The following SH3GL2 variants were observed in gnomAD, a reference collection of about 807,000 sequenced individuals.
SH3GL2 encodes the protein SH3 domain containing GRB2 like 2, endophilin A1.
In SH3GL2, 24 loss-of-function variants were observed where a neutral mutation model predicts 46.0. The ratio of observed to expected loss-of-function variants is 0.52; its 90% CI spans 0.38 to 0.73. SH3GL2 has a LOEUF of 0.73. Among genes scored for constraint, SH3GL2 ranks in the 30% least tolerant of loss-of-function variants. The pLI is 0.00. For synonymous variants in SH3GL2, 196 were observed against 147.1 expected, an observed-to-expected ratio of 1.33 and a Z score of -2.40; for missense variants, 413 against 424.2, an observed-to-expected ratio of 0.97 and a Z score of 0.23.
intron 1 of SH3GL2, among the ~76,000 whole-genome samples, chr9:17,686,479 C>G (rs1275905220): frequency 2.1e-5 from 3 of 145,350 alleles, no homozygotes; most frequent in African/African-American, 7.5e-5. Context: ...GCTATAAAGA[C>G]ACATGCACAC....
At chr9:17,791,412 A>G in intron 7 of SH3GL2, 78 bp downstream of exon 7, 1 of 1,050,978 alleles carries the variant, frequency 9.5e-7, no homozygotes, top group Non-Finnish European at 1.5e-6. Context: ...AAATCATAGA[A>G]TACATTTGGA....
intron 1 of SH3GL2, among the ~76,000 whole-genome samples, chr9:17,616,608 G>A (rs1819006237): frequency 6.6e-6 from 1 of 152,124 alleles, no homozygotes; most frequent in Admixed American, 6.5e-5. Flanking sequence ...ACTAGATTAT[G>A]AATCTTTTGA....
chr9:17,607,168 G>T, intron 1 of SH3GL2, among the ~76,000 whole-genome samples: 1 of 152,324 alleles, frequency 6.6e-6, no homozygotes, highest in Middle Eastern at 3.4e-3. Context: ...TCATAATTGT[G>T]TGAACATCCT....
intron 1 of SH3GL2, among the ~76,000 whole-genome samples, chr9:17,669,051 G>A (rs1406460183): frequency 6.6e-6 from 1 of 152,066 alleles, no homozygotes; most frequent in African/African-American, 2.4e-5. Flanking sequence ...TCTATTTTTG[G>A]ACTTCAAAGT....
chr9:17,781,571 A>AC (rs1300948625), intron 3 of SH3GL2, among the ~76,000 whole-genome samples: 2 of 152,100 alleles, frequency 1.3e-5, no homozygotes, highest in African/African-American at 4.8e-5. Flanking sequence ...ATGGATATAC[A>AC]CCTAGAAGTG....
intron 2 of SH3GL2, among the ~76,000 whole-genome samples, chr9:17,752,702 T>C (rs2224952): frequency 0.15 from 23,323 of 152,150 alleles, 2,288 homozygotes; most frequent in Middle Eastern, 0.25. Flanking sequence ...TCCAATTTCT[T>C]TCTTTTTTTA....
At chr9:17,731,453 C>CAGAGAGAGAGAG (rs560760881) in intron 1 of SH3GL2, among the ~76,000 whole-genome samples, 1 of 150,066 alleles carries the variant, frequency 6.7e-6, no homozygotes, top group Non-Finnish European at 1.5e-5. Flanking sequence ...GAGAGAGAGA[C>CAGAGAGAGAGAG]AGACAGAGAG....
chr9:17,756,446 G>T (rs920476110), intron 2 of SH3GL2, among the ~76,000 whole-genome samples: 1 of 150,850 alleles, frequency 6.6e-6, no homozygotes, highest in African/African-American at 2.4e-5. Context: ...ATTTACATTA[G>T]GTATATCTCC....
chr9:17,579,092 G>A lies in SH3GL2; in HGVS notation c.-151G>A, dbSNP rs377183744. 6.0e-6 allele frequency: 3 copies of A among 496,374 alleles called. No individual in the cohort carries two copies. Among genetic ancestry groups the A allele is most frequent in the Admixed American group, 9.0e-5 (2 of 22,302 alleles). The allele number at this position is 496,374 out of a possible 1,614,324, so 30.7% of individuals were successfully genotyped here. On this transcript the variant is annotated 5_prime_UTR_variant, in exon 1 of 9. The change creates a new upstream start codon in the 5' untranslated region. Coordinates refer to ENST00000380607, the MANE Select transcript of SH3GL2 (RefSeq NM_003026.5). ...TCAGAGTGTTTCTCCGCAAGAGCCC[G>A]TGTCCCGCTAGGCTCCGCGCCCTCG... is the stretch of plus-strand genomic sequence containing the variant.
chr9:17,586,280 T>C (rs556620148), intron 1 of SH3GL2, among the ~76,000 whole-genome samples: 232 of 152,326 alleles, frequency 1.5e-3, no homozygotes, highest in African/African-American at 5.2e-3. Flanking sequence ...AAGCTGTCTG[T>C]AATACTCGTG....
At chr9:17,679,365 T>TTCC (rs1455905687) in intron 1 of SH3GL2, among the ~76,000 whole-genome samples, 1 of 152,212 alleles carries the variant, frequency 6.6e-6, no homozygotes, top group Non-Finnish European at 1.5e-5. Context: ...GTAAGTTGGA[T>TTCC]TCCTAGGTAT....
chr9:17,708,098 G>A (rs572405254), intron 1 of SH3GL2, among the ~76,000 whole-genome samples: 1 of 152,114 alleles, frequency 6.6e-6, no homozygotes, highest in African/African-American at 2.4e-5. Flanking sequence ...TGCCCTGAGG[G>A]CCTCTGAGGT....
Position 17,789,453 on chromosome 9 carries a change from G to A in SH3GL2, c.527G>A (p.Gly176Asp). ...TTTGATTATAAGAAGAAACGACAAG[G>A]CAAGATTCCGGATGAAGAGCTTCGT... ...LDFDYKKKRQ[G>D]KIPDEELRQA... Residue 176 changes from glycine to aspartate, a missense_variant, in exon 6 of 9, where the codon GGC (glycine) becomes GAC (aspartate). By Grantham distance (94) the Gly-to-Asp change is moderately conservative (BLOSUM62 -1). Around this residue, in one of 3 missense-constraint regions of SH3GL2, gnomAD observed 248 missense variants for 215.0 expected, o/e 1.15. Coordinates refer to ENST00000380607, the MANE Select transcript of SH3GL2 (RefSeq NM_003026.5). 1.9e-6 allele frequency: 3 copies of A among 1,613,486 alleles called. No homozygotes were observed. The highest frequency in any genetic ancestry group is 2.5e-6 in the Non-Finnish European group (3 of 1,179,592).
chr9:17,739,615 A>G (rs1440743257), intron 1 of SH3GL2, among the ~76,000 whole-genome samples: 1 of 21,938 alleles, frequency 4.6e-5, no homozygotes, highest in East Asian at 2.6e-3. Context: ...AAATAGAGAA[A>G]TGCCAGTTAA....
chr9:17,762,398 TCA>T (rs766616689), intron 3 of SH3GL2, among the ~76,000 whole-genome samples: 2,311 of 139,478 alleles, frequency 0.017, 46 homozygotes, highest in African/African-American at 0.048. Flanking sequence ...GGACAAGTGA[TCA>T]AAAAAAAAAA....
chr9:17,673,212 G>T (rs1433630973), intron 1 of SH3GL2, among the ~76,000 whole-genome samples: 1 of 151,852 alleles, frequency 6.6e-6, no homozygotes, highest in East Asian at 1.9e-4. Flanking sequence ...GCAGTGGTGC[G>T]ATTATGGCTC....
chr9:17,675,534 T>G (rs2117995953), intron 1 of SH3GL2, among the ~76,000 whole-genome samples: 1 of 152,356 alleles, frequency 6.6e-6, no homozygotes, highest in Non-Finnish European at 1.5e-5. Flanking sequence ...AAGTTATTTT[T>G]CCCTAGAACT....
rs371744357 is a variant in SH3GL2, at chr9:17,759,166, G to A, written c.115-2271G>A. ...TGGGCCAGGTGGGATAGACACTGCA[G>A]GTACCAGTCTCTGTAGGGAAACCCG... On this transcript the variant is annotated intron_variant, in intron 2 of 8. Coordinates refer to ENST00000380607, the MANE Select transcript of SH3GL2 (RefSeq NM_003026.5). Among the ~76,000 whole-genome samples, 15 of 152,290 alleles carry A rather than the reference G, an allele frequency of 9.8e-5. 1 individual carries two copies. In the South Asian group the frequency reaches 2.9e-3, roughly 29 times the overall value.
chr9:17,790,179 CCTCTGCTTTTT>C (rs780367278), intron 6 of SH3GL2, among the ~76,000 whole-genome samples: 1 of 152,138 alleles, frequency 6.6e-6, no homozygotes, highest in Non-Finnish European at 1.5e-5. Flanking sequence ...ACTTGCCTTT[CCTCTGCTTTTT>C]ATTCTATCTG....
Sources: gnomAD v4.1 joint callset for allele counts (sites outside exome capture counted in the v4.1 genomes callset) on GRCh38, gnomAD v4.1.1 for gene constraint, gnomAD v4.1.1 regional missense constraint, MANE v1.5 for transcripts, NCBI Gene and HGNC (gene_info 2026-07-23, HGNC 2026-07-21) for gene names.